Variants in ZC3H12B observed in about 807,000 individuals in gnomAD.
The protein encoded by ZC3H12B is zinc finger CCCH-type containing 12B.
Under a neutral mutation model 43.9 loss-of-function variants are expected in ZC3H12B, and 7 were observed. The ratio of observed to expected loss-of-function variants is 0.16; its 90% CI spans 0.09 to 0.30. ZC3H12B has a LOEUF of 0.30. Ranked by LOEUF, ZC3H12B falls within the 10% of genes least tolerant of loss-of-function variation. The pLI is 1.00. For synonymous variants in ZC3H12B, 222 were observed against 241.7 expected, an observed-to-expected ratio of 0.92 and a Z score of 0.76; for missense variants, 475 against 670.2, an observed-to-expected ratio of 0.71 and a Z score of 3.22.
intron 2 of ZC3H12B, among the ~76,000 whole-genome samples, chrX:65,388,050 C>T (rs1283016464): frequency 8.9e-6 from 1 of 111,909 alleles, no homozygotes; most frequent in African/African-American, 3.3e-5. Context: ...GTAACCTGAC[C>T]TTTCTCTCTG....
At chrX:65,153,705 T>A in the ZC3H12B span, among the ~76,000 whole-genome samples, 7 of 112,186 alleles carry the variant, frequency 6.2e-5, no homozygotes, top group Admixed American at 1.9e-4. Flanking sequence ...AGAAATACCA[T>A]TTGACCCATC....
At chrX:65,383,772 A>G (rs1448463912) in intron 2 of ZC3H12B, among the ~76,000 whole-genome samples, 1 of 111,228 alleles carries the variant, frequency 9.0e-6, no homozygotes, top group Non-Finnish European at 1.9e-5. Context: ...AAAACAAACA[A>G]CCCCATCACT....
At chrX:65,405,000 ATCT>A (rs2066805954) in intron 3 of ZC3H12B, among the ~76,000 whole-genome samples, 2 of 112,708 alleles carry the variant, frequency 1.8e-5, no homozygotes, top group Admixed American at 9.4e-5. Flanking sequence ...AACATCAAGC[ATCT>A]TCTCTGACCA....
chrX:65,338,576 T>C, the ZC3H12B span, among the ~76,000 whole-genome samples: 1 of 112,018 alleles, frequency 8.9e-6, no homozygotes, highest in African/African-American at 3.2e-5. Flanking sequence ...TAAAACTCTA[T>C]GCCAATATCT....
chrX:65,327,415 CAT>C, the ZC3H12B span, among the ~76,000 whole-genome samples: 1 of 111,175 alleles, frequency 9.0e-6, no homozygotes, highest in East Asian at 2.8e-4. Flanking sequence ...ACTAGGTATA[CAT>C]ACATTGTGTC....
At chrX:65,226,329 T>C in the ZC3H12B span, among the ~76,000 whole-genome samples, 2 of 110,930 alleles carry the variant, frequency 1.8e-5, no homozygotes, top group African/African-American at 3.3e-5. Flanking sequence ...GCTGAGAGAT[T>C]TTGTCACCAC....
the ZC3H12B span, among the ~76,000 whole-genome samples, chrX:65,300,513 C>T: frequency 9.0e-6 from 1 of 111,227 alleles, no homozygotes; most frequent in Non-Finnish European, 1.9e-5. Flanking sequence ...GCAAGCCCGG[C>T]CCAAGGAGAG....
the ZC3H12B span, among the ~76,000 whole-genome samples, chrX:65,213,034 C>T: frequency 1.9e-5 from 2 of 107,940 alleles, no homozygotes; most frequent in African/African-American, 6.7e-5. Context: ...TATTTTTTAT[C>T]CATTCCCTAC....
the ZC3H12B span, among the ~76,000 whole-genome samples, chrX:65,043,350 A>G: frequency 9.0e-6 from 1 of 111,264 alleles, no homozygotes; most frequent in Admixed American, 9.6e-5. Flanking sequence ...CATTCATAGA[A>G]CAATAATGAA....
the ZC3H12B span, among the ~76,000 whole-genome samples, chrX:65,238,576 C>A: frequency 9.0e-6 from 1 of 111,063 alleles, no homozygotes; most frequent in East Asian, 2.8e-4. Flanking sequence ...TTGTTTGTGT[C>A]TCTATCTCCT....
chrX:65,458,856 GA>G, intron 3 of ZC3H12B, among the ~76,000 whole-genome samples: 1 of 111,218 alleles, frequency 9.0e-6, no homozygotes, highest in Non-Finnish European at 1.9e-5. Context: ...AAATAACTAA[GA>G]TCAGAGCAGA....
chrX:65,160,553 G>C, the ZC3H12B span, among the ~76,000 whole-genome samples: 2 of 111,722 alleles, frequency 1.8e-5, no homozygotes, highest in African/African-American at 6.5e-5. Context: ...TTGCGTAGAG[G>C]TGTTTGTAGT....
At chrX:65,360,104 T>G in the ZC3H12B span, among the ~76,000 whole-genome samples, 1 of 112,184 alleles carries the variant, frequency 8.9e-6, no homozygotes, top group East Asian at 2.8e-4. Context: ...TTCAAAAAAG[T>G]GTGCATTTTT....
At chrX:65,091,460 G>A in the ZC3H12B span, among the ~76,000 whole-genome samples, 1 of 112,390 alleles carries the variant, frequency 8.9e-6, no homozygotes, top group Non-Finnish European at 1.9e-5. Flanking sequence ...AGCAGCCATA[G>A]AAAACTAATA....
the ZC3H12B span, among the ~76,000 whole-genome samples, chrX:65,297,473 A>C: frequency 9.0e-6 from 1 of 111,530 alleles, no homozygotes; most frequent in South Asian, 3.7e-4. Context: ...GAAAACTACA[A>C]AACACTACTG....
chrX:65,269,810 T>G, the ZC3H12B span, among the ~76,000 whole-genome samples: 3 of 110,774 alleles, frequency 2.7e-5, no homozygotes, highest in Admixed American at 2.9e-4. Flanking sequence ...TAGGAATAAT[T>G]TTTTTAAAAA....
At chrX:65,271,628 C>T in the ZC3H12B span, 1 of 112,103 alleles carries the variant, frequency 8.9e-6, no homozygotes, top group Non-Finnish European at 1.9e-5. Flanking sequence ...AGTGTGACTT[C>T]AGTGGAAGAA....
the ZC3H12B span, among the ~76,000 whole-genome samples, chrX:65,348,318 G>A: frequency 7.2e-5 from 8 of 111,356 alleles, no homozygotes; most frequent in East Asian, 1.4e-3. Context: ...AATGCTGAGC[G>A]ATTTTGTCAC....
chrX:65,144,182 T>C, the ZC3H12B span, among the ~76,000 whole-genome samples: 3 of 111,805 alleles, frequency 2.7e-5, no homozygotes, highest in Non-Finnish European at 5.6e-5. Flanking sequence ...TCACTGCTTT[T>C]TATTGGTCTG....
Sources: allele counts gnomAD v4.1 joint callset (sites outside exome capture counted in the v4.1 genomes callset), GRCh38; gene constraint gnomAD v4.1.1; transcripts MANE v1.5; gene names NCBI Gene and HGNC (gene_info 2026-07-23, HGNC 2026-07-21).